VPS13C: variants seen among roughly 807,000 people sequenced by gnomAD.
The protein encoded by VPS13C is vacuolar protein sorting 13 homolog C, also known as intermembrane lipid transfer protein VPS13C.
VPS13C carries 358 observed loss-of-function variants against 456.8 expected under a neutral mutation model. The ratio of observed to expected loss-of-function variants is 0.78; its 90% confidence interval spans 0.72 to 0.86. The LOEUF is 0.86. Among genes scored for constraint, VPS13C ranks in the 40% least tolerant of loss-of-function variants. The pLI is 0.00. For synonymous variants in VPS13C, 1,578 were observed against 1,486.7 expected, an observed-to-expected ratio of 1.06 and a Z score of -1.41; for missense variants, 4,818 against 4,385.4, an observed-to-expected ratio of 1.10 and a Z score of -2.79.
In VPS13C at chr15:61,982,453, C is replaced by A. The variant is rs1216665617; in HGVS notation, c.2029+6G>T. On this transcript the variant is annotated splice_donor_region_variant and intron_variant, in intron 21 of 84. Coordinates refer to ENST00000644861, the MANE Select transcript of VPS13C (RefSeq NM_020821.3). ...TGATGCTTATGTAGACACTCAAATTCTTCACCTGTAGCTGTTCTCTCCTTA... is the reference window on the plus strand; with the variant it reads ...TGATGCTTATGTAGACACTCAAATTATTCACCTGTAGCTGTTCTCTCCTTA... 1.8e-5 allele frequency: 28 copies of A among 1,597,806 alleles called. No homozygotes were observed. Among genetic ancestry groups the A allele is most frequent in the Non-Finnish European group, 2.4e-5 (28 of 1,174,956 alleles).
intron 9 of VPS13C, 37 bp downstream of exon 9, chr15:62,020,442 C>T (rs1180781218): frequency 3.8e-6 from 6 of 1,568,232 alleles, no homozygotes; most frequent in Non-Finnish European, 5.2e-6. Context: ...TAATACTTTA[C>T]AGGTTCCATA....
chr15:62,049,200 T>A (rs557108012), intron 1 of VPS13C, among the ~76,000 whole-genome samples: 7 of 152,274 alleles, frequency 4.6e-5, no homozygotes, highest in African/African-American at 9.6e-5. Context: ...CTGAATGGTA[T>A]TGCCTAGGTT....
At chr15:61,899,450 C>G (rs1225166600) in intron 66 of VPS13C, among the ~76,000 whole-genome samples, 1 of 152,146 alleles carries the variant, frequency 6.6e-6, no homozygotes, top group East Asian at 1.9e-4. Flanking sequence ...CAAATACAAA[C>G]TACCTCTACG....
Position 61,881,596 on chromosome 15 carries a change from C to A in VPS13C, c.9743G>T (p.Arg3248Ile). 6.2e-7 allele frequency: 1 copy of A among 1,612,520 alleles called. No homozygotes were observed. The highest frequency in any genetic ancestry group is 8.5e-7 in the Non-Finnish European group (1 of 1,179,240). Residue 3248 changes from arginine to isoleucine, a missense_variant, in exon 71 of 85, where the codon AGA becomes ATA. Arg to Ile is a moderately conservative substitution (Grantham distance 97). Coordinates refer to ENST00000644861, the MANE Select transcript of VPS13C (RefSeq NM_020821.3). ...KPFIDVSVIT[R>I]FNEYSKVLQF... is the part of the protein sequence containing the mutation. ...TAAGACTTTACTGTACTCATTAAAT[C>A]TTGTGATGACACTCACATCAATGAA...
chr15:62,040,825 A>G (rs2048217334), intron 3 of VPS13C, among the ~76,000 whole-genome samples: 1 of 152,182 alleles, frequency 6.6e-6, no homozygotes, highest in East Asian at 1.9e-4. Flanking sequence ...AAAGATATAT[A>G]TTTACTTATA....
chr15:61,994,926 T>C (rs555997066), intron 16 of VPS13C, among the ~76,000 whole-genome samples: 1 of 152,186 alleles, frequency 6.6e-6, no homozygotes, highest in African/African-American at 2.4e-5. Flanking sequence ...TAAATGATTC[T>C]GCTGACATTG....
intron 5 of VPS13C, among the ~76,000 whole-genome samples, chr15:62,032,603 G>A (rs1004786438): frequency 6.6e-6 from 1 of 151,670 alleles, no homozygotes; most frequent in African/African-American, 2.4e-5. Context: ...TCAATTAAAT[G>A]ACAACATCTT....
intron 16 of VPS13C, 78 bp downstream of exon 16, chr15:62,000,486 C>T (rs962371833): frequency 2.2e-6 from 3 of 1,383,182 alleles, no homozygotes; most frequent in Non-Finnish European, 3.0e-6. Context: ...CCTCGTGAAA[C>T]TTCAATTTCT....
chr15:61,977,202 T>A lies in VPS13C; in HGVS notation c.2291-3A>T. On this transcript the variant is annotated splice_polypyrimidine_tract_variant and splice_region_variant and intron_variant, in intron 23 of 84. Transcript: ENST00000644861. ...TCGACACTTTTTCCAGGTTTCCTCT[T>A]TAAAAAATAATTTAAGATATTATTT... is the stretch of plus-strand genomic sequence containing the variant. 1 of 1,519,478 alleles carries A rather than the reference T, an allele frequency of 6.6e-7. No homozygotes were observed. Among genetic ancestry groups the A allele is most frequent in the East Asian group, 2.4e-5 (1 of 41,074 alleles). 94.1% of individuals were successfully genotyped at this position (1,519,478 alleles called of 1,614,324 possible).
In VPS13C at chr15:61,854,234, A is replaced by T. The variant is rs1449294344; in HGVS notation, c.*223T>A. The T allele has an allele frequency of 1.0e-5, 6 of 576,516 alleles. No homozygotes were observed. The East Asian group carries it at 1.7e-4, about 16-fold the overall frequency. 35.7% of individuals were successfully genotyped at this position (576,516 alleles called of 1,614,324 possible). A position where few individuals can be genotyped will look rare whatever the true frequency, so the allele number is the denominator to read the frequency against. ...TGACGTTTCTTCAAGGGTCTGACCC[A>T]TTTGGGTGGTGGCGTAGAAGTGGAC... On this transcript the variant is annotated 3_prime_UTR_variant, in exon 85 of 85. Coordinates refer to ENST00000644861, the MANE Select transcript of VPS13C (RefSeq NM_020821.3).
chr15:61,927,128 G>C lies in VPS13C; in HGVS notation c.6479C>G (p.Pro2160Arg). 1.9e-6 allele frequency: 3 copies of C among 1,614,182 alleles called. No homozygotes were observed. Among genetic ancestry groups the C allele is most frequent in the Non-Finnish European group, 2.5e-6 (3 of 1,180,024 alleles). Residue 2160 changes from proline to arginine, a missense_variant, in exon 52 of 85, where the codon CCT (proline) becomes CGT (arginine). By Grantham distance (103) the Pro-to-Arg change is moderately radical. This residue lies in a region of VPS13C where 4,552 missense variants were observed against 4,130.6 expected (regional missense o/e 1.10). Coordinates refer to ENST00000644861, the MANE Select transcript of VPS13C (RefSeq NM_020821.3). ...SVRDLKVLAC[P>R]FLREKRGKNI... Reference sequence around the variant, plus strand: ...TTTCCCTCTCTTTTCTCTGAGAAAAGGGCAAGCGAGCACTTTCAGATCTCT... The same window carrying C: ...TTTCCCTCTCTTTTCTCTGAGAAAACGGCAAGCGAGCACTTTCAGATCTCT...
At chr15:61,915,534 A>G in intron 61 of VPS13C, 99 bp downstream of exon 61, 3 of 1,266,462 alleles carry the variant, frequency 2.4e-6, no homozygotes, top group South Asian at 3.2e-5. Context: ...AATGGCATTT[A>G]GCAAATAGGT....
chr15:61,860,953 CTTTTTTTT>C lies in VPS13C; in HGVS notation c.10952+2479_10952+2486del, dbSNP rs781045840. Among the ~76,000 whole-genome samples, 199 of 89,686 alleles carry C rather than the reference CTTTTTTTT, an allele frequency of 2.2e-3. 1 individual carries two copies. Among genetic ancestry groups the C allele is most frequent in the African/African-American group, 7.9e-3 (187 of 23,644 alleles). 58.8% of individuals were successfully genotyped at this position (89,686 alleles called of 152,430 possible). A position where few individuals can be genotyped will look rare whatever the true frequency, so the allele number is the denominator to read the frequency against. On this transcript the variant is annotated intron_variant, in intron 82 of 84. Transcript: ENST00000644861. ...GCATGTATGGTTAGTTATTTTCTTT[CTTTTTTTT>C]TTTTTTTTTTTTTTTTTTGAGAGAC...
chr15:61,938,451 T>C (rs2044302252), intron 47 of VPS13C, among the ~76,000 whole-genome samples: 1 of 152,152 alleles, frequency 6.6e-6, no homozygotes, highest in South Asian at 2.1e-4. Context: ...CTTTCTTGGC[T>C]GCATCCCAGG....
At chr15:61,949,137 T>C (rs900280174) in intron 42 of VPS13C, among the ~76,000 whole-genome samples, 1 of 152,178 alleles carries the variant, frequency 6.6e-6, no homozygotes, top group Non-Finnish European at 1.5e-5. Flanking sequence ...AACTTTTTCC[T>C]TTCTCACTTC....
chr15:62,005,448 T>A (rs543418242), intron 15 of VPS13C, among the ~76,000 whole-genome samples: 3 of 152,288 alleles, frequency 2.0e-5, no homozygotes, highest in East Asian at 1.9e-4. Context: ...TACAGCACAC[T>A]GATGGGTCTT....
intron 14 of VPS13C, among the ~76,000 whole-genome samples, chr15:62,007,873 A>G (rs2046905783): frequency 6.6e-6 from 1 of 151,984 alleles, no homozygotes; most frequent in Non-Finnish European, 1.5e-5. Flanking sequence ...TTGAGAGGCC[A>G]AGGCGGGCAG....
rs2045404045 is a variant in VPS13C at position 61,967,216 on chromosome 15, G to T, written c.2991+152C>A. 5.3e-5 allele frequency: 34 copies of T among 643,700 alleles called. No individual in the cohort carries two copies. In the South Asian group the frequency reaches 6.9e-4, roughly 13 times the overall value. The allele number at this position is 643,700 out of a possible 1,614,324, so 39.9% of individuals were successfully genotyped here. The stretch of plus-strand genomic sequence containing the variant: ...AGCCCCGTACTTAAGTGAAAGAAAA[G>T]AAGGTGTACAAATGAAAAAAGAAAC... On this transcript the variant is annotated intron_variant, in intron 29 of 84. Coordinates refer to ENST00000644861, the MANE Select transcript of VPS13C (RefSeq NM_020821.3).
intron 38 of VPS13C, among the ~76,000 whole-genome samples, chr15:61,952,981 C>T (rs2044855055): frequency 3.3e-5 from 5 of 152,148 alleles, no homozygotes; most frequent in African/African-American, 1.2e-4. Context: ...GTCTTGGCCT[C>T]CCAGAGTACT....
Sources: gnomAD v4.1 joint callset for allele counts (sites outside exome capture counted in the v4.1 genomes callset) on GRCh38, gnomAD v4.1.1 for gene constraint, gnomAD v4.1.1 regional missense constraint, MANE v1.5 for transcripts, NCBI Gene and HGNC (gene_info 2026-07-23, HGNC 2026-07-21) for gene names.